Variants in CTDSPL observed in about 807,000 individuals in gnomAD.
The protein encoded by CTDSPL is CTD small phosphatase like.
In CTDSPL, 8 loss-of-function variants were observed where a neutral mutation model predicts 30.5. The observed-to-expected ratio is 0.26, with a 90% confidence interval of 0.15 to 0.47. The LOEUF (loss-of-function observed/expected upper bound fraction) is 0.47, where lower values mean the gene tolerates loss of function less well. CTDSPL is among the 20% of genes least tolerant of loss of function. The pLI, the probability that CTDSPL is intolerant of heterozygous loss-of-function variation, is 0.99. For synonymous variants in CTDSPL, 110 were observed against 137.9 expected, an observed-to-expected ratio of 0.80 and a Z score of 1.42; for missense variants, 248 against 366.1, an observed-to-expected ratio of 0.68 and a Z score of 2.63.
rs1411922787 is a variant in CTDSPL, at chr3:37,983,224, A to G, written c.*2357A>G. On this transcript the variant is annotated 3_prime_UTR_variant, in exon 8 of 8. Transcript: ENST00000273179. ...TGGAATCTGTGCACCTTATTTGACC[A>G]CACTCCAAAATTCTGTTTTTATTTT... is the stretch of plus-strand genomic sequence containing the variant. 6.6e-6 allele frequency: 1 copy of G among 152,320 alleles called. No individual in the cohort carries two copies. Among genetic ancestry groups the G allele is most frequent in the Non-Finnish European group, 1.5e-5 (1 of 68,084 alleles). 9.4% of individuals were successfully genotyped at this position (152,320 alleles called of 1,614,324 possible). A position where few individuals can be genotyped will look rare whatever the true frequency, so the allele number is the denominator to read the frequency against.
At position 37,983,335 on chromosome 3, in the gene CTDSPL, G is replaced by A. The variant is rs1329828613; in HGVS notation, c.*2468G>A. 6.6e-6 allele frequency: 1 copy of A among 152,528 alleles called. No homozygotes were observed. The highest frequency in any genetic ancestry group is 1.5e-5 in the Non-Finnish European group (1 of 68,026). The allele number at this position is 152,528 out of a possible 1,614,324, so 9.4% of individuals were successfully genotyped here. ...TCTATATATTTTTAATCATCTACAT[G>A]TAAATGAAGCAATAGAATTCTAACA... On this transcript the variant is annotated 3_prime_UTR_variant, in exon 8 of 8. Transcript: ENST00000273179.
At chr3:37,900,958 G>A (rs539081339) in intron 1 of CTDSPL, among the ~76,000 whole-genome samples, 10 of 152,066 alleles carry the variant, frequency 6.6e-5, no homozygotes, top group East Asian at 1.9e-4. Flanking sequence ...TCACCACGCC[G>A]GCTAATTTTT....
intron 1 of CTDSPL, among the ~76,000 whole-genome samples, chr3:37,874,732 A>AAATAAT (rs111575729): frequency 2.7e-4 from 41 of 151,726 alleles, no homozygotes; most frequent in African/African-American, 7.7e-4. Context: ...CTGTCTCAAA[A>AAATAAT]AATAATAATA....
At chr3:37,909,011 C>G (rs1437464705) in intron 1 of CTDSPL, among the ~76,000 whole-genome samples, 1 of 152,062 alleles carries the variant, frequency 6.6e-6, no homozygotes, top group African/African-American at 2.4e-5. Context: ...ATTTTGTTTT[C>G]CCTTTTAGAA....
intron 1 of CTDSPL, among the ~76,000 whole-genome samples, chr3:37,894,095 TAAGAG>T (rs1043516712): frequency 5.3e-5 from 8 of 152,110 alleles, no homozygotes; most frequent in African/African-American, 1.9e-4. Context: ...TGTTTTGTTT[TAAGAG>T]AAAAGATCTC....
intron 1 of CTDSPL, among the ~76,000 whole-genome samples, chr3:37,906,482 G>T (rs1231932969): frequency 2.0e-5 from 3 of 152,162 alleles, no homozygotes; most frequent in Admixed American, 6.5e-5. Context: ...GAACCCTGCT[G>T]GATAAAGTTC....
chr3:37,942,853 G>A (rs1449078383), intron 1 of CTDSPL, among the ~76,000 whole-genome samples: 1 of 150,160 alleles, frequency 6.7e-6, no homozygotes, highest in African/African-American at 2.4e-5. Context: ...GTTGGCATTG[G>A]AGCCCACATT....
intron 1 of CTDSPL, among the ~76,000 whole-genome samples, chr3:37,900,725 A>G (rs1275746370): frequency 1.3e-5 from 2 of 152,158 alleles, no homozygotes; most frequent in Non-Finnish European, 2.9e-5. Context: ...TTAATATGCC[A>G]GCTGTTTTTT....
chr3:37,962,019 C>T (rs10222623), intron 3 of CTDSPL, among the ~76,000 whole-genome samples: 1 of 152,200 alleles, frequency 6.6e-6, no homozygotes, highest in East Asian at 1.9e-4. Context: ...CCACCCACCC[C>T]CCGGCAATGC....
chr3:37,887,592 C>T (rs1698276976), intron 1 of CTDSPL, among the ~76,000 whole-genome samples: 1 of 152,182 alleles, frequency 6.6e-6, no homozygotes, highest in Non-Finnish European at 1.5e-5. Context: ...TAATTCCTAG[C>T]TCCCAGGATG....
chr3:37,866,183 A>G (rs1698007333), intron 1 of CTDSPL, among the ~76,000 whole-genome samples: 1 of 152,264 alleles, frequency 6.6e-6, no homozygotes, highest in Non-Finnish European at 1.5e-5. Flanking sequence ...ATGATACATC[A>G]TTAGCAGAAT....
In CTDSPL at chr3:37,924,003, C is replaced by T. The variant is rs538443040; in HGVS notation, c.80-23054C>T. Among the ~76,000 whole-genome samples the T allele has an allele frequency of 9.2e-5, 14 of 152,308 alleles. No homozygotes were observed. In the East Asian group the frequency reaches 2.7e-3, roughly 29 times the overall value. On this transcript the variant is annotated intron_variant, in intron 1 of 7. Transcript: ENST00000273179. ...TGAAGCAGAATGTTGCAAGCAGAAA[C>T]TCTTCTATTTTACTCTTCTCATTAA...
intron 1 of CTDSPL, among the ~76,000 whole-genome samples, chr3:37,934,685 G>T (rs1241495426): frequency 6.6e-6 from 1 of 152,234 alleles, no homozygotes; most frequent in African/African-American, 2.4e-5. Context: ...GGATGGCGTA[G>T]GTTAAAACTA....
chr3:37,873,489 A>G (rs1698100557), intron 1 of CTDSPL, among the ~76,000 whole-genome samples: 1 of 152,144 alleles, frequency 6.6e-6, no homozygotes, highest in Admixed American at 6.5e-5. Context: ...GTTCTTTAGG[A>G]TTCAAGGTCC....
chr3:37,884,078 A>T (rs950740831), intron 1 of CTDSPL, among the ~76,000 whole-genome samples: 1 of 152,252 alleles, frequency 6.6e-6, no homozygotes, highest in Non-Finnish European at 1.5e-5. Context: ...ATAAAATGTT[A>T]GTATATTTCA....
At chr3:37,970,604 C>G (rs1049835940) in intron 5 of CTDSPL, among the ~76,000 whole-genome samples, 10 of 152,184 alleles carry the variant, frequency 6.6e-5, no homozygotes, top group Non-Finnish European at 1.2e-4. Flanking sequence ...CCTTGTTTCC[C>G]CAGATTCATT....
intron 1 of CTDSPL, among the ~76,000 whole-genome samples, chr3:37,896,853 C>T (rs1222820999): frequency 6.6e-6 from 1 of 152,098 alleles, no homozygotes; most frequent in Non-Finnish European, 1.5e-5. Flanking sequence ...TTCAGTTATT[C>T]GTGTGATACT....
intron 1 of CTDSPL, among the ~76,000 whole-genome samples, chr3:37,919,635 T>G (rs1403192666): frequency 6.6e-6 from 1 of 152,056 alleles, no homozygotes; most frequent in Admixed American, 6.6e-5. Flanking sequence ...AAGGCTGCAG[T>G]TTCAAGAGCT....
rs1396105992 is a variant in CTDSPL, at chr3:37,889,033, AT to A, written c.79+26759del. 2.0e-4 allele frequency among the ~76,000 whole-genome samples: 31 copies of A among 152,308 alleles called. No homozygotes were observed. In the East Asian group the frequency reaches 4.4e-3, roughly 22 times the overall value. On this transcript the variant is annotated intron_variant, in intron 1 of 7. Transcript: ENST00000273179. The stretch of plus-strand genomic sequence containing the variant: ...CTCTGGGTCTTTTAAAATAAATCAA[AT>A]TTTAATATTTACAAATGATAACAGA...
Sources: gnomAD v4.1 joint callset for allele counts (sites outside exome capture counted in the v4.1 genomes callset) on GRCh38, gnomAD v4.1.1 for gene constraint, MANE v1.5 for transcripts, NCBI Gene and HGNC (gene_info 2026-07-23, HGNC 2026-07-21) for gene names.